The following REPS2 variants were observed in gnomAD, a reference collection of about 807,000 sequenced individuals.
REPS2 encodes the protein ralBP1-associated Eps domain-containing protein 2.
Under a neutral mutation model 53.6 loss-of-function variants are expected in REPS2, and 23 were observed. The observed-to-expected ratio is 0.43, with a 90% confidence interval of 0.31 to 0.61. The LOEUF (loss-of-function observed/expected upper bound fraction) is 0.61, where lower values mean the gene tolerates loss of function less well. Among genes scored for constraint, REPS2 ranks in the 20% least tolerant of loss-of-function variants. The pLI is 0.11. For missense variants in REPS2, 446 were observed against 534.9 expected, an observed-to-expected ratio of 0.83 and a Z score of 1.64; for synonymous variants, 238 against 218.6, an observed-to-expected ratio of 1.09 and a Z score of -0.78.
intron 5 of REPS2, 62 bp downstream of exon 5, chrX:17,029,685 C>A: frequency 1.2e-6 from 1 of 813,826 alleles, no homozygotes; most frequent in Non-Finnish European, 1.8e-6. Context: ...GCTTCGGGGA[C>A]ATGGCTTTTT....
the REPS2 span, among the ~76,000 whole-genome samples, chrX:17,184,776 C>T: frequency 8.9e-6 from 1 of 111,874 alleles, no homozygotes; most frequent in Non-Finnish European, 1.9e-5. Context: ...TCTCTGATGG[C>T]CAGTGATGGT....
At chrX:17,050,145 T>TCTTC (rs1232487752) in intron 6 of REPS2, among the ~76,000 whole-genome samples, 13 of 35,249 alleles carry the variant, frequency 3.7e-4, no homozygotes, top group African/African-American at 1.0e-3. Context: ...TTTCTTCCTT[T>TCTTC]CTTTCTTTCT....
At chrX:17,024,130 A>T (rs865964610) in intron 3 of REPS2, among the ~76,000 whole-genome samples, 3,496 of 107,544 alleles carry the variant, frequency 0.033, 154 homozygotes, top group African/African-American at 0.11. Context: ...TTCAAAAAAA[A>T]AAAAAAAAAA....
chrX:17,097,939 G>T (rs1042728229), intron 13 of REPS2, among the ~76,000 whole-genome samples: 2 of 111,429 alleles, frequency 1.8e-5, no homozygotes, highest in African/African-American at 6.5e-5. Context: ...CCGGGCTCAG[G>T]TGGCTCTCCT....
At chrX:17,176,828 C>T in the REPS2 span, among the ~76,000 whole-genome samples, 15,596 of 111,747 alleles carry the variant, frequency 0.14, 832 homozygotes, top group Admixed American at 0.18. Context: ...TCTGCTGGCC[C>T]TTCAGAGGCA....
chrX:17,003,654 G>A (rs1451767371), intron 1 of REPS2, among the ~76,000 whole-genome samples: 1 of 111,632 alleles, frequency 9.0e-6, no homozygotes, highest in Non-Finnish European at 1.9e-5. Context: ...GGGTGCTCTT[G>A]GAGAATTCTT....
At chrX:17,186,129 G>C in the REPS2 span, among the ~76,000 whole-genome samples, 1 of 112,285 alleles carries the variant, frequency 8.9e-6, no homozygotes, top group Non-Finnish European at 1.9e-5. Context: ...TAAGTACTTA[G>C]AGCTGACCTA....
intron 5 of REPS2, among the ~76,000 whole-genome samples, chrX:17,042,902 T>A (rs1192066549): frequency 9.4e-6 from 1 of 105,963 alleles, no homozygotes; most frequent in Non-Finnish European, 2.0e-5. Flanking sequence ...CTCAGGTGAC[T>A]CTCGCACCTC....
At chrX:16,975,370 T>G (rs1482095082) in intron 1 of REPS2, among the ~76,000 whole-genome samples, 2 of 112,119 alleles carry the variant, frequency 1.8e-5, no homozygotes, top group Non-Finnish European at 3.8e-5. Flanking sequence ...GCAACCTCAC[T>G]GGCACCTGTT....
intron 11 of REPS2, among the ~76,000 whole-genome samples, chrX:17,070,744 C>T (rs1267740647): frequency 1.8e-5 from 2 of 112,046 alleles, no homozygotes; most frequent in African/African-American, 6.5e-5. Flanking sequence ...TAGCTATCAT[C>T]CTAGGCTTAT....
chrX:17,004,476 C>A (rs1602648871), intron 1 of REPS2, among the ~76,000 whole-genome samples: 1 of 94,036 alleles, frequency 1.1e-5, no homozygotes, highest in Admixed American at 1.2e-4. Flanking sequence ...TAATTCTTTT[C>A]TCTTCCTTGA....
chrX:17,120,810 T>A (rs2148112787), intron 14 of REPS2, among the ~76,000 whole-genome samples: 1 of 111,904 alleles, frequency 8.9e-6, no homozygotes, highest in African/African-American at 3.2e-5. Context: ...ATAATGGAAA[T>A]GTGAAGGAGA....
At chrX:17,119,732 A>C (rs750398923) in intron 14 of REPS2, among the ~76,000 whole-genome samples, 39 of 111,503 alleles carry the variant, frequency 3.5e-4, no homozygotes, top group Non-Finnish European at 4.9e-4. Flanking sequence ...TGTAAGCAAT[A>C]AACTGGTCAC....
intron 2 of REPS2, among the ~76,000 whole-genome samples, chrX:17,013,621 GCT>G (rs1187801082): frequency 4.5e-5 from 2 of 44,567 alleles, no homozygotes; most frequent in African/African-American, 2.2e-4. Flanking sequence ...GTTGTAGCTG[GCT>G]CTGTGTGTGT....
chrX:16,947,622 G>T lies in REPS2; in HGVS notation c.273+488G>T, dbSNP rs183676551. 6.3e-5 allele frequency among the ~76,000 whole-genome samples: 7 copies of T among 111,946 alleles called. No individual in the cohort carries two copies. The Admixed American group carries it at 6.6e-4, about 11-fold the overall frequency. ...TGAATGTTGTCCTCTCTATGTAGTT[G>T]TAATATATAAGTATCTACTATATGT... is the stretch of plus-strand genomic sequence containing the variant. On this transcript the variant is annotated intron_variant, in intron 1 of 17. Transcript: ENST00000357277.
At chrX:17,012,110 T>A (rs950071088) in intron 2 of REPS2, among the ~76,000 whole-genome samples, 5 of 111,093 alleles carry the variant, frequency 4.5e-5, no homozygotes, top group African/African-American at 1.6e-4. Flanking sequence ...CCCGGCATGG[T>A]GGCTCATGCC....
chrX:17,165,818 T>G, the REPS2 span, among the ~76,000 whole-genome samples: 1 of 111,013 alleles, frequency 9.0e-6, no homozygotes, highest in African/African-American at 3.3e-5. Context: ...GTGGTGAGAA[T>G]GTTATGCCCT....
At chrX:17,035,714 C>T (rs1165355975) in intron 5 of REPS2, among the ~76,000 whole-genome samples, 3 of 110,967 alleles carry the variant, frequency 2.7e-5, no homozygotes, top group Middle Eastern at 4.6e-3. Context: ...ACCATTTCCC[C>T]GCACAGCCAC....
chrX:17,143,265 G>A (rs1316442747), intron 17 of REPS2, among the ~76,000 whole-genome samples: 3 of 111,712 alleles, frequency 2.7e-5, no homozygotes, highest in Non-Finnish European at 5.7e-5. Flanking sequence ...TACACTAAAA[G>A]AAAAAAATTG....
Sources: allele counts gnomAD v4.1 joint callset (sites outside exome capture counted in the v4.1 genomes callset), GRCh38; gene constraint gnomAD v4.1.1; transcripts MANE v1.5; gene names NCBI Gene and HGNC (gene_info 2026-07-23, HGNC 2026-07-21).